Variants in TMEM108 observed in about 807,000 individuals in gnomAD.
TMEM108 encodes the protein transmembrane protein 108.
TMEM108 carries 12 observed loss-of-function variants against 35.1 expected under a neutral mutation model. That is an observed-to-expected ratio of 0.34 (90% CI 0.22 to 0.55). The LOEUF (loss-of-function observed/expected upper bound fraction) is 0.55, where lower values mean the gene tolerates loss of function less well. TMEM108 is among the 20% of genes least tolerant of loss of function. TMEM108 has a pLI of 0.89. For missense variants in TMEM108, 680 were observed against 753.3 expected (o/e 0.90, Z 1.14); for synonymous variants, 287 against 308.6 (o/e 0.93, Z 0.73).
chr3:133,073,508 C>CTATA (rs1273905276), intron 2 of TMEM108, among the ~76,000 whole-genome samples: 79 of 68,978 alleles, frequency 1.1e-3, no homozygotes, highest in South Asian at 1.9e-3. Context: ...CTCTCTCTCT[C>CTATA]TCTATATATA....
At chr3:133,039,519 A>G (rs1943248174) in intron 1 of TMEM108, among the ~76,000 whole-genome samples, 1 of 152,142 alleles carries the variant, frequency 6.6e-6, no homozygotes, top group African/African-American at 2.4e-5. Context: ...AGGGGAAGGT[A>G]TGTCCAGGAA....
At chr3:133,171,168 A>T (rs1945125075) in intron 2 of TMEM108, among the ~76,000 whole-genome samples, 1 of 152,152 alleles carries the variant, frequency 6.6e-6, no homozygotes. Context: ...GTGTATCGAC[A>T]TTATAGTTTG....
At chr3:133,154,565 C>T (rs974256162) in intron 2 of TMEM108, among the ~76,000 whole-genome samples, 1 of 152,068 alleles carries the variant, frequency 6.6e-6, no homozygotes, top group African/African-American at 2.4e-5. Context: ...TTTGTAGGGA[C>T]ATGGATGAAG....
intron 4 of TMEM108, among the ~76,000 whole-genome samples, chr3:133,383,513 G>C (rs1319071053): frequency 2.0e-5 from 3 of 152,216 alleles, no homozygotes; most frequent in African/African-American, 7.2e-5. Context: ...CTTTGAGCTG[G>C]ATAGCCTGCA....
At chr3:133,195,352 C>T (rs1371528837) in intron 2 of TMEM108, among the ~76,000 whole-genome samples, 1 of 152,052 alleles carries the variant, frequency 6.6e-6, no homozygotes, top group Non-Finnish European at 1.5e-5. Context: ...TAATTTTGTA[C>T]CCTACTTTTT....
intron 3 of TMEM108, among the ~76,000 whole-genome samples, chr3:133,280,219 G>A (rs181260161): frequency 2.0e-5 from 3 of 152,250 alleles, no homozygotes; most frequent in Non-Finnish European, 2.9e-5. Context: ...GCAAAAATCA[G>A]GAAAGTCAAC....
chr3:133,166,711 G>A (rs548216779), intron 2 of TMEM108, among the ~76,000 whole-genome samples: 15 of 152,278 alleles, frequency 9.9e-5, no homozygotes, highest in South Asian at 2.1e-4. Context: ...GCAGACCTGC[G>A]CGGTGAGTGT....
rs112951126 is a variant in TMEM108, at chr3:133,304,692, T to C, written c.41-75060T>C. ...TGTATCAAAATTTTATTCCTTTTTA[T>C]TGTGTAATAATATTCCATCATAAGG... On this transcript the variant is annotated intron_variant, in intron 3 of 5. Transcript: ENST00000321871. Among the ~76,000 whole-genome samples, 24 of 152,292 alleles carry C rather than the reference T, an allele frequency of 1.6e-4. 1 individual carries two copies. The highest frequency in any genetic ancestry group is 5.8e-4 in the African/African-American group (24 of 41,530).
At chr3:133,390,528 C>G (rs2073218594) in intron 5 of TMEM108, among the ~76,000 whole-genome samples, 194 bp downstream of exon 5, 1 of 150,806 alleles carries the variant, frequency 6.6e-6, no homozygotes, top group Non-Finnish European at 1.5e-5. Context: ...CAAGAATCCC[C>G]AGGTGCTTTC....
chr3:133,109,441 A>G (rs79968667), intron 2 of TMEM108, among the ~76,000 whole-genome samples: 4,669 of 152,078 alleles, frequency 0.031, 130 homozygotes, highest in South Asian at 0.064. Flanking sequence ...CAGCTTGGTC[A>G]ACATAGTGAG....
intron 2 of TMEM108, among the ~76,000 whole-genome samples, chr3:133,205,752 T>C (rs980372537): frequency 6.6e-6 from 1 of 152,198 alleles, no homozygotes; most frequent in African/African-American, 2.4e-5. Flanking sequence ...TTTTCAACCT[T>C]GGTGAATCTG....
chr3:133,344,729 C>CA (rs1361437037), intron 3 of TMEM108, among the ~76,000 whole-genome samples: 2 of 151,284 alleles, frequency 1.3e-5, no homozygotes, highest in Non-Finnish European at 3.0e-5. Flanking sequence ...TTTAGTAAGG[C>CA]AAAACAAAAA....
intron 3 of TMEM108, among the ~76,000 whole-genome samples, chr3:133,229,817 T>C (rs933519207): frequency 1.3e-5 from 2 of 152,238 alleles, no homozygotes; most frequent in Non-Finnish European, 1.5e-5. Flanking sequence ...TGGCTTAAAA[T>C]GTTATGCATA....
chr3:133,143,227 C>G (rs573787033), intron 2 of TMEM108, among the ~76,000 whole-genome samples: 1 of 152,182 alleles, frequency 6.6e-6, no homozygotes, highest in East Asian at 1.9e-4. Context: ...AAAGGAAGCT[C>G]TGGGTTTGGA....
chr3:133,177,374 T>G (rs1264559473), intron 2 of TMEM108, among the ~76,000 whole-genome samples: 1 of 152,182 alleles, frequency 6.6e-6, no homozygotes, highest in Non-Finnish European at 1.5e-5. Context: ...AAAGAGAATT[T>G]TAGACCAATA....
intron 2 of TMEM108, among the ~76,000 whole-genome samples, chr3:133,224,589 G>A (rs1007148809): frequency 5.3e-5 from 8 of 152,090 alleles, no homozygotes; most frequent in Non-Finnish European, 8.8e-5. Context: ...CATGAGATCC[G>A]ATGGTTTTAT....
chr3:133,323,293 A>G (rs1477604179), intron 3 of TMEM108, among the ~76,000 whole-genome samples: 1 of 152,164 alleles, frequency 6.6e-6, no homozygotes, highest in Non-Finnish European at 1.5e-5. Flanking sequence ...AGATTCATCC[A>G]AAAAGCTCCT....
At chr3:133,066,470 A>T (rs966897480) in intron 2 of TMEM108, among the ~76,000 whole-genome samples, 3 of 152,212 alleles carry the variant, frequency 2.0e-5, no homozygotes, top group African/African-American at 7.2e-5. Context: ...ATAGAACTTG[A>T]AAAGGTCTGA....
intron 2 of TMEM108, among the ~76,000 whole-genome samples, chr3:133,195,179 G>A (rs1040286727): frequency 6.6e-6 from 1 of 152,014 alleles, no homozygotes; most frequent in Non-Finnish European, 1.5e-5. Context: ...TAATTTAGAG[G>A]ATACTTCCAC....
Sources: gnomAD v4.1 joint callset for allele counts (sites outside exome capture counted in the v4.1 genomes callset) on GRCh38, gnomAD v4.1.1 for gene constraint, MANE v1.5 for transcripts, NCBI Gene and HGNC (gene_info 2026-07-23, HGNC 2026-07-21) for gene names.